SH3PXD2A: variants seen among roughly 807,000 people sequenced by gnomAD.
SH3PXD2A encodes SH3 and PX domains 2A.
Under a neutral mutation model 115.2 loss-of-function variants are expected in SH3PXD2A, and 32 were observed. The observed-to-expected ratio is 0.28, with a 90% CI of 0.21 to 0.37. The LOEUF (loss-of-function observed/expected upper bound fraction) is 0.37. Ranked by LOEUF, SH3PXD2A falls within the 10% of genes least tolerant of loss-of-function variation. The pLI, the probability that SH3PXD2A is intolerant of heterozygous loss-of-function variation, is 1.00. For synonymous variants in SH3PXD2A, 610 were observed against 629.1 expected, an observed-to-expected ratio of 0.97 and a Z score of 0.45; for missense variants, 1,328 against 1,498.7, an observed-to-expected ratio of 0.89 and a Z score of 1.88.
chr10:103,611,647 G>A lies in SH3PXD2A; in HGVS notation c.1259-17C>T, dbSNP rs1440108684. Reference sequence around the variant, plus strand: ...TCGGGGAGCCTAGAGGAAGAGACATGGCTTCAGAAATCCTAGTCAGACGAT... The same window carrying A: ...TCGGGGAGCCTAGAGGAAGAGACATAGCTTCAGAAATCCTAGTCAGACGAT... On this transcript the variant is annotated splice_polypyrimidine_tract_variant and intron_variant, in intron 12 of 14. Coordinates refer to ENST00000369774, the MANE Select transcript of SH3PXD2A (RefSeq NM_001394015.1). 1.2e-6 allele frequency: 2 copies of A among 1,611,766 alleles called. No individual in the cohort carries two copies. The highest frequency in any genetic ancestry group is 1.7e-6 in the Non-Finnish European group (2 of 1,177,824).
intron 1 of SH3PXD2A, 77 bp downstream of exon 1, chr10:103,855,118 G>T: frequency 1.9e-6 from 2 of 1,036,652 alleles, no homozygotes; most frequent in Non-Finnish European, 2.8e-6. Context: ...CTCACAGCTG[G>T]GAGGGGCAAG....
At chr10:103,728,877 T>TG (rs2038276340) in intron 4 of SH3PXD2A, among the ~76,000 whole-genome samples, 1 of 81,190 alleles carries the variant, frequency 1.2e-5, no homozygotes, top group East Asian at 3.9e-4. Context: ...CAAAGAGTTG[T>TG]TTTTTTTGTT....
rs2036201183 is a variant in SH3PXD2A, at chr10:103,600,578, G to A, written c.*1238C>T. The A allele has an allele frequency of 6.6e-6, 1 of 152,258 alleles. No individual in the cohort carries two copies. The highest frequency in any genetic ancestry group is 2.4e-5 in the African/African-American group (1 of 41,462). 9.4% of individuals were successfully genotyped at this position (152,258 alleles called of 1,614,324 possible). Reference sequence around the variant, plus strand: ...GCTGGGGAACACACGCAGAATGGCGGTCACCCAGCAGGCTGGGAGCTGCCT... The same window carrying A: ...GCTGGGGAACACACGCAGAATGGCGATCACCCAGCAGGCTGGGAGCTGCCT... On this transcript the variant is annotated 3_prime_UTR_variant, in exon 15 of 15. Coordinates refer to ENST00000369774, the MANE Select transcript of SH3PXD2A (RefSeq NM_001394015.1).
rs1025238504 is a variant in SH3PXD2A at position 103,678,615 on chromosome 10, C to T, written c.428-9963G>A. Among the ~76,000 whole-genome samples the T allele has an allele frequency of 2.0e-5, 3 of 152,208 alleles. No homozygotes were observed. The South Asian group carries it at 6.2e-4, about 32-fold the overall frequency. Reference sequence around the variant, plus strand: ...CTTCTCTGGGCCTCACTGGTCTTGACCTGGGATGTGAAAGGGCTGCTCTTT... The same window carrying T: ...CTTCTCTGGGCCTCACTGGTCTTGATCTGGGATGTGAAAGGGCTGCTCTTT... On this transcript the variant is annotated intron_variant, in intron 6 of 14. Coordinates refer to ENST00000369774, the MANE Select transcript of SH3PXD2A (RefSeq NM_001394015.1).
At chr10:103,835,373 C>T (rs964880859) in intron 1 of SH3PXD2A, among the ~76,000 whole-genome samples, 3 of 152,206 alleles carry the variant, frequency 2.0e-5, no homozygotes, top group African/African-American at 7.2e-5. Flanking sequence ...GAAATGTCCA[C>T]CCGCGATCCC....
chr10:103,614,102 T>TA (rs1262157338), intron 11 of SH3PXD2A, among the ~76,000 whole-genome samples: 3 of 98,864 alleles, frequency 3.0e-5, no homozygotes, highest in African/African-American at 3.4e-5. Flanking sequence ...TTTTTTTTTT[T>TA]TAATTAGCTG....
At chr10:103,688,188 C>T (rs2037703735) in intron 6 of SH3PXD2A, among the ~76,000 whole-genome samples, 1 of 152,224 alleles carries the variant, frequency 6.6e-6, no homozygotes, top group Admixed American at 6.5e-5. Context: ...ATTACCAAAG[C>T]CTCCCGCTCT....
intron 3 of SH3PXD2A, chr10:103,754,970 C>G (rs1028972746): frequency 3.3e-5 from 5 of 152,164 alleles, no homozygotes; most frequent in Non-Finnish European, 7.3e-5. Flanking sequence ...CATTGCTTCT[C>G]CAACTTTATG....
chr10:103,735,286 A>C (rs2038367207), intron 4 of SH3PXD2A, among the ~76,000 whole-genome samples: 1 of 152,226 alleles, frequency 6.6e-6, no homozygotes, highest in Admixed American at 6.5e-5. Context: ...TGTAGTTACC[A>C]AGATTTAGGT....
intron 1 of SH3PXD2A, 35 bp downstream of exon 1, chr10:103,855,159 GC>G: frequency 6.8e-7 from 1 of 1,481,054 alleles, no homozygotes; most frequent in Non-Finnish European, 9.1e-7. Flanking sequence ...GGGACCTCGG[GC>G]CACCCCCAGC....
chr10:103,692,337 C>T (rs551979919), intron 6 of SH3PXD2A, among the ~76,000 whole-genome samples: 1 of 152,112 alleles, frequency 6.6e-6, no homozygotes, highest in African/African-American at 2.4e-5. Context: ...GCCTCCACCC[C>T]CTTCCAAACT....
rs767353431 is a variant in SH3PXD2A, at chr10:103,722,043, C to G, written c.398+2227G>C. Among the ~76,000 whole-genome samples, 71 of 151,916 alleles carry G rather than the reference C, an allele frequency of 4.7e-4. 1 individual carries two copies. Among genetic ancestry groups the G allele is most frequent in the South Asian group, 1.5e-3 (7 of 4,796 alleles). On this transcript the variant is annotated intron_variant, in intron 5 of 14. Transcript: ENST00000369774. ...CCTGGCCGGGCGCAGTTGCTTATGC[C>G]TATAATCCCAGCACTTTAGGAGGCT...
chr10:103,705,627 G>C (rs1048635264), intron 5 of SH3PXD2A, among the ~76,000 whole-genome samples: 1 of 152,174 alleles, frequency 6.6e-6, no homozygotes, highest in Non-Finnish European at 1.5e-5. Flanking sequence ...AGATGGGATT[G>C]GAGGCCAACC....
intron 6 of SH3PXD2A, among the ~76,000 whole-genome samples, chr10:103,672,998 T>G (rs1318672676): frequency 6.6e-6 from 1 of 152,184 alleles, no homozygotes; most frequent in Non-Finnish European, 1.5e-5. Context: ...GGTACTTAGA[T>G]GCTGAACCTG....
intron 2 of SH3PXD2A, among the ~76,000 whole-genome samples, chr10:103,785,209 C>T (rs1013049944): frequency 6.6e-6 from 1 of 152,244 alleles, no homozygotes; most frequent in Non-Finnish European, 1.5e-5. Context: ...CCTGCAAGAG[C>T]CACTCCCTTT....
At chr10:103,682,843 T>C (rs2037629116) in intron 6 of SH3PXD2A, among the ~76,000 whole-genome samples, 1 of 151,958 alleles carries the variant, frequency 6.6e-6, no homozygotes, top group Admixed American at 6.6e-5. Context: ...ACTTTTGAAA[T>C]GGGCCATTGG....
intron 13 of SH3PXD2A, chr10:103,608,834 C>T (rs1455287969): frequency 6.6e-6 from 1 of 152,092 alleles, no homozygotes; most frequent in South Asian, 2.1e-4. Context: ...TTTCAGATGC[C>T]TCAATAGCTG....
chr10:103,806,225 GTC>G, intron 1 of SH3PXD2A, among the ~76,000 whole-genome samples: 1 of 152,118 alleles, frequency 6.6e-6, no homozygotes, highest in East Asian at 1.9e-4. Flanking sequence ...CCTGGACAGA[GTC>G]TAAATCTTGG....
chr10:103,836,920 G>A (rs548506367), intron 1 of SH3PXD2A, among the ~76,000 whole-genome samples: 62 of 152,278 alleles, frequency 4.1e-4, no homozygotes, highest in Non-Finnish European at 6.6e-4. Context: ...CACAGGAGCC[G>A]GCAGCCCCTC....
Sources: allele counts gnomAD v4.1 joint callset (sites outside exome capture counted in the v4.1 genomes callset), GRCh38; gene constraint gnomAD v4.1.1; transcripts MANE v1.5; gene names NCBI Gene and HGNC (gene_info 2026-07-23, HGNC 2026-07-21).